Variants in MLLT3 observed in about 807,000 individuals in gnomAD.
The protein encoded by MLLT3 is MLLT3 super elongation complex subunit.
A neutral mutation model predicts 53.2 loss-of-function variants in MLLT3; 4 were observed. The observed-to-expected ratio is 0.08, with a 90% confidence interval of 0.04 to 0.17. The LOEUF is 0.17. Among genes scored for constraint, MLLT3 ranks in the 10% least tolerant of loss-of-function variants. The pLI is 1.00. For missense variants in MLLT3, 569 were observed against 684.0 expected, an observed-to-expected ratio of 0.83 and a Z score of 1.87; for synonymous variants, 283 against 230.6, an observed-to-expected ratio of 1.23 and a Z score of -2.06.
chr9:20,494,084 T>C (rs143330506), intron 2 of MLLT3, among the ~76,000 whole-genome samples: 43 of 152,280 alleles, frequency 2.8e-4, no homozygotes, highest in Admixed American at 1.4e-3. Context: ...TTTCATTTAT[T>C]ATCCTGGATA....
At chr9:20,575,723 G>A (rs1819636514) in intron 2 of MLLT3, among the ~76,000 whole-genome samples, 1 of 152,100 alleles carries the variant, frequency 6.6e-6, no homozygotes, top group African/African-American at 2.4e-5. Context: ...ATTCAGTGTG[G>A]CAAGCAGATA....
chr9:20,415,934 T>G (rs958527837), intron 4 of MLLT3, among the ~76,000 whole-genome samples: 2 of 151,976 alleles, frequency 1.3e-5, no homozygotes, highest in Non-Finnish European at 2.9e-5. Context: ...ACAAAATTAT[T>G]CCATTTATTT....
At chr9:20,450,364 T>C (rs1048482310) in intron 3 of MLLT3, among the ~76,000 whole-genome samples, 6 of 152,328 alleles carry the variant, frequency 3.9e-5, no homozygotes, top group Admixed American at 1.3e-4. Context: ...GTGATCTTTC[T>C]AACACAAAAA....
In MLLT3 at chr9:20,621,009, A is replaced by G. The variant is rs1164233722; in HGVS notation, c.13-175T>C. Reference sequence around the variant, plus strand: ...GCGCGCACACTCCACACCCCCAAATATACCCGCCCGCCCGGCCCGGCTTGG... The same window carrying G: ...GCGCGCACACTCCACACCCCCAAATGTACCCGCCCGCCCGGCCCGGCTTGG... On this transcript the variant is annotated intron_variant, in intron 1 of 10. Coordinates refer to ENST00000380338, the MANE Select transcript of MLLT3 (RefSeq NM_004529.4). The surrounding 1 kb of genome is among the most constrained non-coding windows in gnomAD (Gnocchi z 7.0). 1 of 777,514 alleles carries G rather than the reference A, an allele frequency of 1.3e-6. No individual in the cohort carries two copies. Among genetic ancestry groups the G allele is most frequent in the Admixed American group, 2.0e-5 (1 of 49,482 alleles). The allele number at this position is 777,514 out of a possible 1,614,324, so 48.2% of individuals were successfully genotyped here.
intron 2 of MLLT3, among the ~76,000 whole-genome samples, chr9:20,477,584 T>TAATA (rs913761074): frequency 1.3e-5 from 2 of 151,938 alleles, no homozygotes; most frequent in African/African-American, 4.8e-5. Context: ...AATTTTAAAT[T>TAATA]AATAAATAAA....
chr9:20,484,324 T>C (rs370075497), intron 2 of MLLT3, among the ~76,000 whole-genome samples: 49 of 152,286 alleles, frequency 3.2e-4, no homozygotes, highest in African/African-American at 1.1e-3. Context: ...TCCTTCACCA[T>C]GCTCTCCAGC....
At chr9:20,512,053 A>C (rs1187553040) in intron 2 of MLLT3, among the ~76,000 whole-genome samples, 2 of 152,218 alleles carry the variant, frequency 1.3e-5, no homozygotes, top group Non-Finnish European at 2.9e-5. Context: ...GTCTGAGCTG[A>C]AGATGAGACA....
At chr9:20,368,420 A>G (rs759300092) in intron 5 of MLLT3, among the ~76,000 whole-genome samples, 2 of 152,194 alleles carry the variant, frequency 1.3e-5, no homozygotes, top group African/African-American at 2.4e-5. Flanking sequence ...CCTTACAGTG[A>G]GCAGAGAGAG....
At chr9:20,618,820 T>C (rs1213189915) in intron 2 of MLLT3, among the ~76,000 whole-genome samples, 2 of 152,146 alleles carry the variant, frequency 1.3e-5, no homozygotes, top group Non-Finnish European at 2.9e-5. Flanking sequence ...AGAAAAACAA[T>C]GGTAAAATAG....
chr9:20,408,499 T>A (rs1443499533), intron 5 of MLLT3, among the ~76,000 whole-genome samples: 15 of 152,156 alleles, frequency 9.9e-5, no homozygotes, highest in Admixed American at 9.8e-4. Flanking sequence ...GAGCAGAATT[T>A]ACCAGAGGAA....
intron 2 of MLLT3, among the ~76,000 whole-genome samples, chr9:20,599,951 A>G (rs921171035): frequency 2.6e-5 from 4 of 152,088 alleles, no homozygotes; most frequent in African/African-American, 9.7e-5. Flanking sequence ...ATATAATATT[A>G]TATTGTACGA....
chr9:20,358,373 G>C (rs1461704506), intron 8 of MLLT3, among the ~76,000 whole-genome samples: 1 of 152,182 alleles, frequency 6.6e-6, no homozygotes, highest in East Asian at 1.9e-4. Flanking sequence ...CATGGAGAAA[G>C]TGACACATAA....
chr9:20,348,051 A>G (rs1442224178), intron 10 of MLLT3, among the ~76,000 whole-genome samples: 1 of 152,156 alleles, frequency 6.6e-6, no homozygotes, highest in Admixed American at 6.5e-5. Context: ...AGCATGACAT[A>G]TTAACTCTCA....
chr9:20,612,423 C>T (rs1014187077), intron 2 of MLLT3, among the ~76,000 whole-genome samples: 3 of 151,966 alleles, frequency 2.0e-5, no homozygotes, highest in African/African-American at 4.8e-5. Context: ...ACTATGGCCA[C>T]GAACTAAATT....
intron 2 of MLLT3, among the ~76,000 whole-genome samples, chr9:20,571,293 A>G (rs1819526324): frequency 6.6e-6 from 1 of 152,242 alleles, no homozygotes; most frequent in Non-Finnish European, 1.5e-5. Flanking sequence ...TAGTGTGCAC[A>G]AGCACATGCA....
chr9:20,607,295 ATTAAC>A (rs1302553356), intron 2 of MLLT3, among the ~76,000 whole-genome samples: 2 of 152,100 alleles, frequency 1.3e-5, no homozygotes. Context: ...ATCTATATAA[ATTAAC>A]TTACTAATAA....
rs10601830 is a variant in MLLT3, at chr9:20,615,360, G to GAAAAAAAAAAAAAA, written c.193+5280_193+5293dup. Among the ~76,000 whole-genome samples the GAAAAAAAAAAAAAA allele has an allele frequency of 6.2e-5, 3 of 48,772 alleles. 1 individual carries two copies. The highest frequency in any genetic ancestry group is 1.1e-4 in the Non-Finnish European group (3 of 26,626). 32.0% of individuals were successfully genotyped at this position (48,772 alleles called of 152,430 possible). A position where few individuals can be genotyped will look rare whatever the true frequency, so the allele number is the denominator to read the frequency against. ...CCTGGGTGACAGGGCCAGACCATGT[G>GAAAAAAAAAAAAAA]AAAAAAAAAAAAAAAAAAAAAAAAA... On this transcript the variant is annotated intron_variant, in intron 2 of 10. Coordinates refer to ENST00000380338, the MANE Select transcript of MLLT3 (RefSeq NM_004529.4).
At chr9:20,467,922 A>C (rs1432064107) in intron 2 of MLLT3, among the ~76,000 whole-genome samples, 1 of 152,228 alleles carries the variant, frequency 6.6e-6, no homozygotes, top group Non-Finnish European at 1.5e-5. Flanking sequence ...TGAAAACTTT[A>C]ATTTAGCAAC....
intron 5 of MLLT3, among the ~76,000 whole-genome samples, chr9:20,396,370 C>A (rs1334086367): frequency 4.6e-5 from 7 of 152,028 alleles, no homozygotes; most frequent in Admixed American, 4.6e-4. Flanking sequence ...TTTTACTACC[C>A]TTTGATTCAC....
Sources: allele counts gnomAD v4.1 joint callset (sites outside exome capture counted in the v4.1 genomes callset), GRCh38; gene constraint gnomAD v4.1.1; non-coding constraint Gnocchi (gnomAD v3.1); transcripts MANE v1.5; gene names NCBI Gene and HGNC (gene_info 2026-07-23, HGNC 2026-07-21).